MAF: variants seen among roughly 807,000 people sequenced by gnomAD.
MAF encodes MAF bZIP transcription factor.
MAF carries 10 observed loss-of-function variants against 22.0 expected under a neutral mutation model. The ratio of observed to expected loss-of-function variants is 0.45; its 90% CI spans 0.28 to 0.77. MAF has a LOEUF of 0.77. Ranked by LOEUF, MAF falls within the 30% of genes least tolerant of loss-of-function variation. MAF has a pLI of 0.12. For synonymous variants in MAF, 337 were observed against 255.8 expected (o/e 1.32, Z -3.03); for missense variants, 544 against 548.4 (o/e 0.99, Z 0.08).
the MAF span, among the ~76,000 whole-genome samples, chr16:79,357,298 A>AACAATT: frequency 7.1e-6 from 1 of 140,860 alleles, no homozygotes; most frequent in Admixed American, 7.1e-5. Flanking sequence ...CAACAACAAC[A>AACAATT]ATTAGCTGGC....
the MAF span, among the ~76,000 whole-genome samples, chr16:79,466,165 G>A: frequency 6.6e-6 from 1 of 152,158 alleles, no homozygotes; most frequent in Non-Finnish European, 1.5e-5. Context: ...ATGAAACACA[G>A]GGTTACTTTC....
At chr16:79,262,129 G>A in the MAF span, among the ~76,000 whole-genome samples, 4,330 of 152,250 alleles carry the variant, frequency 0.028, 227 homozygotes, top group African/African-American at 0.099. Context: ...ACTCACCACA[G>A]CAGGAGCTTT....
the MAF span, among the ~76,000 whole-genome samples, chr16:79,533,020 A>T: frequency 6.6e-6 from 1 of 152,202 alleles, no homozygotes; most frequent in East Asian, 1.9e-4. Context: ...GGTACATATA[A>T]TTTTTATACG....
the MAF span, among the ~76,000 whole-genome samples, chr16:79,458,620 C>G: frequency 1.3e-5 from 2 of 152,040 alleles, no homozygotes; most frequent in Admixed American, 1.3e-4. Context: ...TCTGTATTTT[C>G]CAGAGTTCAA....
chr16:79,403,263 C>T, the MAF span, among the ~76,000 whole-genome samples: 11 of 152,172 alleles, frequency 7.2e-5, no homozygotes, highest in African/African-American at 2.2e-4. Flanking sequence ...ATTCAGCTCC[C>T]GATTTTCTGT....
At chr16:79,482,383 C>T in the MAF span, among the ~76,000 whole-genome samples, 1 of 152,178 alleles carries the variant, frequency 6.6e-6, no homozygotes. Flanking sequence ...TCTGCCCCAA[C>T]CTGAAATCTC....
the MAF span, chr16:79,206,744 T>A: frequency 6.6e-6 from 1 of 152,234 alleles, no homozygotes; most frequent in Non-Finnish European, 1.5e-5. Context: ...TTGAATTGTA[T>A]AATTTCATTA....
chr16:79,259,591 G>C, the MAF span, among the ~76,000 whole-genome samples: 1 of 152,042 alleles, frequency 6.6e-6, no homozygotes, highest in African/African-American at 2.4e-5. Context: ...ATCATTGCTG[G>C]GTGAAAAAAG....
At chr16:79,371,291 C>A in the MAF span, among the ~76,000 whole-genome samples, 3 of 152,076 alleles carry the variant, frequency 2.0e-5, no homozygotes, top group Non-Finnish European at 2.9e-5. Flanking sequence ...AGTGACCCTC[C>A]CTTGAGGTCA....
At chr16:79,536,226 C>G in the MAF span, among the ~76,000 whole-genome samples, 1 of 152,340 alleles carries the variant, frequency 6.6e-6, no homozygotes, top group East Asian at 1.9e-4. Flanking sequence ...AATTTTAGAA[C>G]ATGGAATTCA....
the MAF span, among the ~76,000 whole-genome samples, chr16:79,233,585 G>T: frequency 6.6e-6 from 1 of 152,070 alleles, no homozygotes; most frequent in African/African-American, 2.4e-5. Context: ...AGTACTGTGG[G>T]AACAGAGATC....
chr16:79,458,128 G>C, the MAF span, among the ~76,000 whole-genome samples: 1 of 150,200 alleles, frequency 6.7e-6, no homozygotes, highest in South Asian at 2.1e-4. Context: ...GTGTGTGTGT[G>C]TGTGTGTGTG....
chr16:79,307,543 G>A, the MAF span, among the ~76,000 whole-genome samples: 3 of 152,174 alleles, frequency 2.0e-5, no homozygotes, highest in African/African-American at 4.8e-5. Flanking sequence ...ACATGCCCCC[G>A]ACATGATGGG....
chr16:79,555,231 C>T, the MAF span, among the ~76,000 whole-genome samples: 1 of 152,124 alleles, frequency 6.6e-6, no homozygotes, highest in Admixed American at 6.6e-5. Flanking sequence ...CTCATGCTGC[C>T]CTGGGATTGC....
At chr16:79,353,737 C>G in the MAF span, among the ~76,000 whole-genome samples, 1 of 152,114 alleles carries the variant, frequency 6.6e-6, no homozygotes, top group African/African-American at 2.4e-5. Flanking sequence ...AGTATACAGT[C>G]TGCAGCCCAG....
the MAF span, chr16:79,206,284 G>A: frequency 1.3e-5 from 2 of 152,266 alleles, no homozygotes; most frequent in Non-Finnish European, 2.9e-5. Context: ...GAGCCCCGTG[G>A]AAGACATAGA....
chr16:79,288,531 C>T, the MAF span, among the ~76,000 whole-genome samples: 1 of 152,082 alleles, frequency 6.6e-6, no homozygotes, highest in Non-Finnish European at 1.5e-5. Context: ...CTCTGCTGAG[C>T]CCTGTGTGAA....
At chr16:79,304,941 T>C in the MAF span, among the ~76,000 whole-genome samples, 1 of 151,876 alleles carries the variant, frequency 6.6e-6, no homozygotes, top group Non-Finnish European at 1.5e-5. Context: ...AAATAGGGAG[T>C]TTCTAGAACC....
chr16:79,341,733 A>T, the MAF span, among the ~76,000 whole-genome samples: 1 of 152,146 alleles, frequency 6.6e-6, no homozygotes, highest in African/African-American at 2.4e-5. Context: ...TGCAAGGTTG[A>T]AGGAGGAGTG....
Sources: gnomAD v4.1 joint callset for allele counts (sites outside exome capture counted in the v4.1 genomes callset) on GRCh38, gnomAD v4.1.1 for gene constraint, MANE v1.5 for transcripts, NCBI Gene and HGNC (gene_info 2026-07-23, HGNC 2026-07-21) for gene names.